TMEM222: variants seen among roughly 807,000 people sequenced by gnomAD.
The protein encoded by TMEM222 is transmembrane protein 222, also known as chromosome 1 open reading frame 160.
A neutral mutation model predicts 25.1 loss-of-function variants in TMEM222; 18 were observed. That is an observed-to-expected ratio of 0.72 (90% CI 0.50 to 1.06). The LOEUF (loss-of-function observed/expected upper bound fraction) is 1.06, where lower values mean the gene tolerates loss of function less well. TMEM222 is among the 50% of genes least tolerant of loss of function. The pLI, the probability that TMEM222 is intolerant of heterozygous loss-of-function variation, is 0.00. For synonymous variants in TMEM222, 131 were observed against 117.9 expected (o/e 1.11, Z -0.72); for missense variants, 296 against 293.7 (o/e 1.01, Z -0.06).
intron 1 of TMEM222, among the ~76,000 whole-genome samples, chr1:27,322,878 T>A (rs938685072): frequency 6.6e-6 from 1 of 151,964 alleles, no homozygotes; most frequent in Non-Finnish European, 1.5e-5. Context: ...GTCCAACCCT[T>A]TGTCTCACGT....
intron 2 of TMEM222, 82 bp from the exon 3 acceptor site, chr1:27,331,988 C>T (rs1350887387): frequency 2.6e-5 from 37 of 1,442,336 alleles, no homozygotes; most frequent in Non-Finnish European, 3.2e-5. Context: ...TTCTAAGTCA[C>T]TGCACTTCTG....
At chr1:27,334,332 C>G in intron 5 of TMEM222, 51 bp downstream of exon 5, 1 of 1,610,888 alleles carries the variant, frequency 6.2e-7, no homozygotes, top group Non-Finnish European at 8.5e-7. Flanking sequence ...AGGCTGCTCT[C>G]CCAAGGATCC....
rs199641524 is a variant in TMEM222 at position 27,333,953 on chromosome 1, C to T, written c.312-5C>T. 2 of 1,613,352 alleles carry T rather than the reference C, an allele frequency of 1.2e-6. No homozygotes were observed. The highest frequency in any genetic ancestry group is 8.5e-7 in the Non-Finnish European group (1 of 1,179,510). On this transcript the variant is annotated splice_polypyrimidine_tract_variant and splice_region_variant and intron_variant, in intron 3 of 5. Coordinates refer to ENST00000374076, the MANE Select transcript of TMEM222 (RefSeq NM_032125.3). The stretch of plus-strand genomic sequence containing the variant: ...CAAGTGTCCAGAGCCCTTCTCTCCC[C>T]CCAGGTACTGGAAGTTGGACCCTGC...
chr1:27,331,006 G>A, intron 2 of TMEM222: 1 of 1,464,646 alleles, frequency 6.8e-7, no homozygotes, highest in South Asian at 1.4e-5. Flanking sequence ...AGGGCAGTGT[G>A]GCCAGAAGGA....
chr1:27,325,781 C>A, intron 1 of TMEM222: 1 of 824,772 alleles, frequency 1.2e-6, no homozygotes, highest in Non-Finnish European at 2.2e-6. Context: ...GTATCGTCCA[C>A]CGCAAATGCT....
rs111349787 is a variant in TMEM222, at chr1:27,322,316, C to T, written c.119C>T (p.Ser40Phe). 2 of 1,554,018 alleles carry T rather than the reference C, an allele frequency of 1.3e-6. No individual in the cohort carries two copies. Among genetic ancestry groups the T allele is most frequent in the African/African-American group, 1.4e-5 (1 of 71,784 alleles). Residue 40 changes from serine to phenylalanine, a missense_variant, in exon 1 of 6, where the codon TCC (serine) becomes TTC (phenylalanine). Coordinates refer to ENST00000374076, the MANE Select transcript of TMEM222 (RefSeq NM_032125.3). ...AETDMKQYQG[S>F]GGVAMDVERS... is the part of the protein sequence containing the mutation. ...ACGGACATGAAGCAATATCAAGGCTCCGGCGGCGTCGCCATGGATGTGGAA... is the reference window on the plus strand; with the variant it reads ...ACGGACATGAAGCAATATCAAGGCTTCGGCGGCGTCGCCATGGATGTGGAA...
chr1:27,334,662 C>T, intron 5 of TMEM222: 1 of 1,421,684 alleles, frequency 7.0e-7, no homozygotes. Flanking sequence ...ATGACTGCCC[C>T]ACAGGTCCCT....
At chr1:27,332,452 C>G (rs190324172) in intron 3 of TMEM222, 40 of 718,188 alleles carry the variant, frequency 5.6e-5, no homozygotes, top group African/African-American at 5.4e-4. Context: ...TCTAGACTCA[C>G]TCTCCTGCCC....
chr1:27,331,075 G>T, intron 2 of TMEM222: 1 of 1,358,222 alleles, frequency 7.4e-7, no homozygotes, highest in Non-Finnish European at 9.6e-7. Flanking sequence ...GACATGGGTA[G>T]GGATTAGAGG....
chr1:27,324,037 T>A (rs2014277977), intron 1 of TMEM222, among the ~76,000 whole-genome samples: 1 of 151,444 alleles, frequency 6.6e-6, no homozygotes, highest in Non-Finnish European at 1.5e-5. Flanking sequence ...AGTGTGAAAA[T>A]AACAGGGGCC....
chr1:27,332,564 A>T (rs1177483038), intron 3 of TMEM222: 6 of 715,908 alleles, frequency 8.4e-6, no homozygotes, highest in African/African-American at 1.7e-5. Flanking sequence ...ACCTTCTGGG[A>T]GCTATTGCTG....
At chr1:27,333,847 C>A (rs2014538736) in intron 3 of TMEM222, 111 bp from the exon 4 acceptor site, 1 of 897,428 alleles carries the variant, frequency 1.1e-6, no homozygotes. Flanking sequence ...GCTTACTGTA[C>A]ATCTCAGCAC....
At chr1:27,333,850 C>G in intron 3 of TMEM222, 108 bp from the exon 4 acceptor site, 1 of 980,506 alleles carries the variant, frequency 1.0e-6, no homozygotes, top group Non-Finnish European at 1.5e-6. Context: ...TACTGTACAT[C>G]TCAGCACCCA....
chr1:27,322,471 C>T (rs959160076), intron 1 of TMEM222, 80 bp downstream of exon 1: 2 of 1,258,896 alleles, frequency 1.6e-6, no homozygotes, highest in Non-Finnish European at 1.0e-6. Context: ...CCTCCGGCCC[C>T]AACGCGCAGC....
intron 3 of TMEM222, chr1:27,333,538 C>T: frequency 2.2e-6 from 1 of 450,450 alleles, no homozygotes. Context: ...GCCTGAGGTG[C>T]CTTTCCACTG....
At chr1:27,333,731 C>T in intron 3 of TMEM222, 2 of 576,254 alleles carry the variant, frequency 3.5e-6, no homozygotes, top group Non-Finnish European at 3.1e-6. Flanking sequence ...ACTTTCAGAG[C>T]ATAGCACCCC....
Position 27,322,252 on chromosome 1 carries a change from C to T in TMEM222, c.55C>T (p.Pro19Ser). The T allele has an allele frequency of 6.5e-7, 1 of 1,527,718 alleles. No individual in the cohort carries two copies. Among genetic ancestry groups the T allele is most frequent in the Non-Finnish European group, 8.8e-7 (1 of 1,133,654 alleles). 94.6% of individuals were successfully genotyped at this position (1,527,718 alleles called of 1,614,324 possible). ...LLLLPPPPPP[P>S]RMAEVEAPTA... Reference sequence around the variant, plus strand: ...CTTGTTGCCGCCGCCGCCACCCCCGCCCAGGATGGCGGAAGTGGAGGCGCC... The same window carrying T: ...CTTGTTGCCGCCGCCGCCACCCCCGTCCAGGATGGCGGAAGTGGAGGCGCC... Residue 19 changes from proline (P) to serine (S), a missense_variant, in exon 1 of 6, where the codon CCC (proline) becomes TCC (serine). Transcript: ENST00000374076.
chr1:27,330,007 C>T (rs2014442082), intron 1 of TMEM222, among the ~76,000 whole-genome samples: 1 of 151,844 alleles, frequency 6.6e-6, no homozygotes, highest in Non-Finnish European at 1.5e-5. Flanking sequence ...GAGGCTGAGG[C>T]AGGAGAATTG....
At position 27,322,231 on chromosome 1, in the gene TMEM222, T is replaced by G. The variant is rs1297205457; in HGVS notation, c.34T>G (p.Leu12Val). The G allele has an allele frequency of 7.5e-6, 11 of 1,457,264 alleles. No individual in the cohort carries two copies. The highest frequency in any genetic ancestry group is 1.0e-5 in the Non-Finnish European group (11 of 1,098,594). 90.3% of individuals were successfully genotyped at this position (1,457,264 alleles called of 1,614,324 possible). ...AEAEGSSLLL[L>V]PPPPPPPRMA... Reference sequence around the variant, plus strand: ...AGCGGAAGGGAGTTCTCTGCTCTTGTTGCCGCCGCCGCCACCCCCGCCCAG... The same window carrying G: ...AGCGGAAGGGAGTTCTCTGCTCTTGGTGCCGCCGCCGCCACCCCCGCCCAG... Residue 12 changes from leucine (L) to valine (V), a missense_variant, in exon 1 of 6, where the codon TTG becomes GTG. Transcript: ENST00000374076.
Sources: allele counts gnomAD v4.1 joint callset (sites outside exome capture counted in the v4.1 genomes callset), GRCh38; gene constraint gnomAD v4.1.1; transcripts MANE v1.5; gene names NCBI Gene and HGNC (gene_info 2026-07-23, HGNC 2026-07-21).